The following DKKL1 variants were observed in gnomAD, a reference collection of about 807,000 sequenced individuals.
DKKL1 encodes the protein dickkopf like acrosomal protein 1.
Under a neutral mutation model 16.5 loss-of-function variants are expected in DKKL1, and 11 were observed. The observed-to-expected ratio is 0.67, with a 90% CI of 0.42 to 1.10. The LOEUF (loss-of-function observed/expected upper bound fraction) is 1.10. Among genes scored for constraint, DKKL1 ranks in the 50% least tolerant of loss-of-function variants. The probability of loss-of-function intolerance (pLI) is 0.00; values close to 1 mark genes in which losing one functional copy is unlikely to be tolerated. For missense variants in DKKL1, 320 were observed against 308.1 expected (o/e 1.04, Z -0.29); for synonymous variants, 119 against 133.2 (o/e 0.89, Z 0.73).
At chr19:49,365,928 TTTC>T (rs1600834874) in intron 4 of DKKL1, 43 bp downstream of exon 4, 2 of 1,553,926 alleles carry the variant, frequency 1.3e-6, no homozygotes, top group South Asian at 1.2e-5. Flanking sequence ...GCCCAAACAT[TTTC>T]TTTTTTTCTT....
At chr19:49,362,911 G>A (rs557262718), upstream of DKKL1, among the ~76,000 whole-genome samples, 1 of 136,996 alleles carries the variant, frequency 7.3e-6, no homozygotes, top group Non-Finnish European at 1.6e-5. Context: ...TTGGTTTTTG[G>A]TTTTTTTGTT....
chr19:49,372,262 A>G (rs1266818686), intron 4 of DKKL1, among the ~76,000 whole-genome samples: 2 of 152,178 alleles, frequency 1.3e-5, no homozygotes, highest in Admixed American at 6.6e-5. Flanking sequence ...TCTATCCACT[A>G]GAGAGAAGTT....
intron 4 of DKKL1, among the ~76,000 whole-genome samples, chr19:49,372,128 C>A (rs548830297): frequency 1.9e-3 from 291 of 152,096 alleles, no homozygotes; most frequent in South Asian, 3.5e-3. Flanking sequence ...AATAAATATC[C>A]CTATAGTCTC....
chr19:49,361,443 C>T (rs1972926208), upstream of DKKL1: 1 of 152,984 alleles, frequency 6.5e-6, no homozygotes, highest in Non-Finnish European at 1.5e-5. Context: ...GAGGCCGAGA[C>T]CAGGAGAGAC....
At position 49,374,783 on chromosome 19, in the gene DKKL1, G is replaced by A. The variant is rs1973657070; in HGVS notation, c.484G>A (p.Glu162Lys). ...GAAGGCCACGGACAGCTTCCACACA[G>A]AACTCCATCCCCGGGTGGCCTTCTG... ...IQKATDSFHT[E>K]LHPRVAFWII... The change falls in exon 5 of 5, where the codon GAA becomes AAA. Residue 162 changes from glutamate (E) to lysine (K), a missense_variant. Physicochemically the swap from Glu to Lys is moderately conservative, Grantham distance 56. Coordinates refer to ENST00000221498, the MANE Select transcript of DKKL1 (RefSeq NM_014419.4). 1 of 1,608,960 alleles carries A rather than the reference G, an allele frequency of 6.2e-7. No homozygotes were observed. The highest frequency in any genetic ancestry group is 8.5e-7 in the Non-Finnish European group (1 of 1,177,028).
At chr19:49,369,097 C>G (rs1260745337) in intron 4 of DKKL1, 2 of 152,186 alleles carry the variant, frequency 1.3e-5, no homozygotes, top group Non-Finnish European at 2.9e-5. Flanking sequence ...ATATTCCTGC[C>G]TTTCTTTGTT....
At chr19:49,371,786 G>A (rs780503890) in intron 4 of DKKL1, among the ~76,000 whole-genome samples, 3 of 138,396 alleles carry the variant, frequency 2.2e-5, no homozygotes, top group Admixed American at 7.2e-5. Context: ...ACCCCCCACC[G>A]ACAGGTCCTG....
chr19:49,361,155 C>CGG (rs1555786509), upstream of DKKL1, among the ~76,000 whole-genome samples: 16 of 45,894 alleles, frequency 3.5e-4, no homozygotes, highest in African/African-American at 1.4e-3. Context: ...GGACAGAGAC[C>CGG]GGGGGGGGGG....
intron 4 of DKKL1, among the ~76,000 whole-genome samples, chr19:49,373,236 G>A (rs541385712): frequency 6.6e-6 from 1 of 150,630 alleles, no homozygotes; most frequent in Admixed American, 6.6e-5. Context: ...CCAGGAGGCA[G>A]AGGCTGCAGT....
chr19:49,367,690 G>A, intron 4 of DKKL1, among the ~76,000 whole-genome samples: 1 of 152,168 alleles, frequency 6.6e-6, no homozygotes, highest in East Asian at 1.9e-4. Flanking sequence ...ATAGGCGTGA[G>A]CCACCATGCC....
At chr19:49,365,701 C>T (rs986238125) in intron 3 of DKKL1, 52 bp downstream of exon 3, 12 of 1,595,376 alleles carry the variant, frequency 7.5e-6, no homozygotes, top group Middle Eastern at 1.7e-4. Flanking sequence ...CCCTCCATCC[C>T]GCCATCCCTC....
chr19:49,365,788 C>T lies in DKKL1; in HGVS notation c.325-5C>T. On this transcript the variant is annotated splice_region_variant and splice_polypyrimidine_tract_variant and intron_variant, in intron 3 of 4. Coordinates refer to ENST00000221498, the MANE Select transcript of DKKL1 (RefSeq NM_014419.4). ...TGCTCTCACTCTCTCATCGGATCCT[C>T]ACAGATGACCGACAACAAGACAGGA... The T allele has an allele frequency of 6.2e-7, 1 of 1,613,636 alleles. No homozygotes were observed. The highest frequency in any genetic ancestry group is 8.5e-7 in the Non-Finnish European group (1 of 1,179,764).
At chr19:49,365,980 T>G in intron 4 of DKKL1, 95 bp downstream of exon 4, 1 of 1,192,728 alleles carries the variant, frequency 8.4e-7, no homozygotes, top group Non-Finnish European at 1.2e-6. Context: ...CAGGCTGGAG[T>G]GCAGTGGCAC....
intron 4 of DKKL1, among the ~76,000 whole-genome samples, chr19:49,373,460 A>G (rs1210602254): frequency 3.3e-5 from 5 of 152,066 alleles, no homozygotes; most frequent in Admixed American, 6.6e-5. Context: ...GGGAGGAAAC[A>G]ATATGGTTGT....
chr19:49,360,722 T>A (rs549318117), upstream of DKKL1, among the ~76,000 whole-genome samples: 12 of 111,556 alleles, frequency 1.1e-4, no homozygotes, highest in South Asian at 1.8e-3. Flanking sequence ...TGAGGGGAGG[T>A]CTAGAGAGAG....
intron 4 of DKKL1, chr19:49,369,568 G>T (rs1973392774): frequency 6.6e-6 from 1 of 152,390 alleles, no homozygotes; most frequent in Non-Finnish European, 1.5e-5. Flanking sequence ...GGAATCACCT[G>T]CCACATGCTG....
chr19:49,372,255 A>G (rs1440275495), intron 4 of DKKL1, among the ~76,000 whole-genome samples: 2 of 152,128 alleles, frequency 1.3e-5, no homozygotes, highest in African/African-American at 2.4e-5. Flanking sequence ...CCTGGGCTCT[A>G]TCCACTAGAG....
chr19:49,361,332 A>C (rs1269740559), upstream of DKKL1: 1 of 153,074 alleles, frequency 6.5e-6, no homozygotes, highest in Non-Finnish European at 1.4e-5. Flanking sequence ...ACACAGACTC[A>C]GAGAGAGGGG....
upstream of DKKL1, among the ~76,000 whole-genome samples, chr19:49,362,899 G>A (rs538946028): frequency 1.3e-4 from 19 of 144,726 alleles, no homozygotes; most frequent in Admixed American, 8.8e-4. Flanking sequence ...CTTTTTTTCT[G>A]TTTGGTTTTT....
Sources: allele counts gnomAD v4.1 joint callset (sites outside exome capture counted in the v4.1 genomes callset), GRCh38; gene constraint gnomAD v4.1.1; transcripts MANE v1.5; gene names NCBI Gene and HGNC (gene_info 2026-07-23, HGNC 2026-07-21).